Variants in DIP2A observed in about 807,000 individuals in gnomAD.
DIP2A encodes disco-interacting protein 2 homolog A.
Under a neutral mutation model 177.4 loss-of-function variants are expected in DIP2A, and 85 were observed. The observed-to-expected ratio is 0.48, with a 90% CI of 0.40 to 0.57. The LOEUF (loss-of-function observed/expected upper bound fraction) is 0.57. DIP2A is among the 20% of genes least tolerant of loss of function. The pLI, the probability that DIP2A is intolerant of heterozygous loss-of-function variation, is 0.00. For synonymous variants in DIP2A, 886 were observed against 881.8 expected (o/e 1.00, Z -0.08); for missense variants, 1,791 against 2,100.2 (o/e 0.85, Z 2.88).
chr21:46,504,721 A>C (rs1200014326), intron 6 of DIP2A, among the ~76,000 whole-genome samples: 1 of 152,246 alleles, frequency 6.6e-6, no homozygotes, highest in Non-Finnish European at 1.5e-5. Context: ...GAGAGTGGGG[A>C]GGGAAAAGAC....
chr21:46,535,723 C>G (rs568786134), intron 13 of DIP2A, among the ~76,000 whole-genome samples: 24 of 152,312 alleles, frequency 1.6e-4, no homozygotes, highest in African/African-American at 4.8e-4. Flanking sequence ...TCTTTCAGAT[C>G]AAGCCCCGTG....
At position 46,516,488 on chromosome 21, in the gene DIP2A, C is replaced by CTTT. The variant is rs1158910021; in HGVS notation, c.1102+4893_1102+4895dup. On this transcript the variant is annotated intron_variant, in intron 8 of 37. Coordinates refer to ENST00000417564, the MANE Select transcript of DIP2A (RefSeq NM_015151.4). ...TCTTTAATCTTGTCTTCTGAAATTTCTTTTTTTTTTTTTTTTTTTTTGAGA... is the reference window on the plus strand; with the variant it reads ...TCTTTAATCTTGTCTTCTGAAATTTCTTTTTTTTTTTTTTTTTTTTTTTTGAGA... Among the ~76,000 whole-genome samples, 92 of 76,384 alleles carry CTTT rather than the reference C, an allele frequency of 1.2e-3. 2 individuals carry two copies. Among genetic ancestry groups the CTTT allele is most frequent in the Non-Finnish European group, 1.7e-3 (62 of 36,614 alleles). 50.1% of individuals were successfully genotyped at this position (76,384 alleles called of 152,430 possible).
the DIP2A span, among the ~76,000 whole-genome samples, chr21:46,579,442 C>G: frequency 6.6e-6 from 1 of 151,934 alleles, no homozygotes; most frequent in Non-Finnish European, 1.5e-5. Flanking sequence ...TTTTTCACGT[C>G]TCTGTTTCCT....
At chr21:46,542,281 T>C (rs1478207787) in intron 18 of DIP2A, among the ~76,000 whole-genome samples, 1 of 152,232 alleles carries the variant, frequency 6.6e-6, no homozygotes, top group African/African-American at 2.4e-5. Context: ...CTTTGATATT[T>C]GGGAAGACGG....
In DIP2A at chr21:46,563,190, C is replaced by G. The variant is rs1201943852; in HGVS notation, c.4090-668C>G. Among the ~76,000 whole-genome samples, 1 of 152,150 alleles carries G rather than the reference C, an allele frequency of 6.6e-6. No homozygotes were observed. The highest frequency in any genetic ancestry group is 2.4e-5 in the African/African-American group (1 of 41,432). On this transcript the variant is annotated intron_variant, in intron 34 of 37. Transcript: ENST00000417564. The surrounding 1 kb of genome is among the most constrained non-coding windows in gnomAD (Gnocchi z 4.3). Reference sequence around the variant, plus strand: ...GGAGGGTCTGGCGGTAACCGTAGCTCACACCTCCCTGTGGCCCGTCGTCCC... The same window carrying G: ...GGAGGGTCTGGCGGTAACCGTAGCTGACACCTCCCTGTGGCCCGTCGTCCC...
Position 46,550,541 on chromosome 21 carries a change from A to G in DIP2A, c.2638-2A>G. 1 of 1,611,480 alleles carries G rather than the reference A, an allele frequency of 6.2e-7. No individual in the cohort carries two copies. The highest frequency in any genetic ancestry group is 8.5e-7 in the Non-Finnish European group (1 of 1,178,878). ...GTGCCAAACAGGGTCCTTCCCTTTC[A>G]GGCCATTGATAGCATCCACCAGGTG... On this transcript the variant is annotated splice_acceptor_variant, in intron 22 of 37. Coordinates refer to ENST00000417564, the MANE Select transcript of DIP2A (RefSeq NM_015151.4). LOFTEE classifies it high-confidence loss of function.
Position 46,554,562 on chromosome 21 carries a change from C to A in DIP2A, c.3155-13C>A. 1 of 1,610,668 alleles carries A rather than the reference C, an allele frequency of 6.2e-7. No individual in the cohort carries two copies. The highest frequency in any genetic ancestry group is 8.5e-7 in the Non-Finnish European group (1 of 1,178,626). ...GCGGCCGGCCTCCTCACAGCCAGTC[C>A]TTGTCTCCACAGGGGTGGACCTCAT... On this transcript the variant is annotated splice_polypyrimidine_tract_variant and intron_variant, in intron 26 of 37. Transcript: ENST00000417564.
intron 8 of DIP2A, among the ~76,000 whole-genome samples, chr21:46,518,182 G>C (rs2148669209): frequency 6.6e-6 from 1 of 152,340 alleles, no homozygotes; most frequent in Middle Eastern, 3.4e-3. Context: ...GCTGTATCCA[G>C]TTTTAGCTAC....
At chr21:46,530,251 C>T (rs1397784606) in intron 9 of DIP2A, among the ~76,000 whole-genome samples, 1 of 152,142 alleles carries the variant, frequency 6.6e-6, no homozygotes, top group Non-Finnish European at 1.5e-5. Context: ...TCAGATCACC[C>T]AACAAGGAAA....
chr21:46,559,129 G>C (rs1957198841), intron 32 of DIP2A: 1 of 146,988 alleles, frequency 6.8e-6, no homozygotes, highest in African/African-American at 2.5e-5. Flanking sequence ...AAAAAACATA[G>C]GTAGCACCAA....
chr21:46,496,234 C>G (rs766924201), intron 3 of DIP2A, among the ~76,000 whole-genome samples: 1 of 152,058 alleles, frequency 6.6e-6, no homozygotes, highest in African/African-American at 2.4e-5. Flanking sequence ...TCTCCTCTCC[C>G]TCATGAGTGT....
At chr21:46,562,332 A>G (rs1764429054) in intron 34 of DIP2A, among the ~76,000 whole-genome samples, 1 of 152,212 alleles carries the variant, frequency 6.6e-6, no homozygotes, top group Admixed American at 6.5e-5. Context: ...CATCCTCTGA[A>G]CCAGGAAGGG....
chr21:46,570,352 A>G (rs1601882796), downstream of DIP2A, among the ~76,000 whole-genome samples: 2 of 152,294 alleles, frequency 1.3e-5, no homozygotes, highest in South Asian at 2.1e-4. Flanking sequence ...TAACAATTTG[A>G]TAGGCAAATA....
chr21:46,545,780 A>G, intron 19 of DIP2A, 101 bp from the exon 20 acceptor site: 2 of 1,359,892 alleles, frequency 1.5e-6, no homozygotes, highest in Non-Finnish European at 2.0e-6. Flanking sequence ...CCTGGCCAGC[A>G]GGCGCACACG....
In DIP2A at chr21:46,568,801, A is replaced by G. The variant is rs2060902532; in HGVS notation, c.*1179A>G. 6.6e-6 allele frequency: 1 copy of G among 152,202 alleles called. No homozygotes were observed. Among genetic ancestry groups the G allele is most frequent in the African/African-American group, 2.4e-5 (1 of 41,428 alleles). The allele number at this position is 152,202 out of a possible 1,614,324, so 9.4% of individuals were successfully genotyped here. A position where few individuals can be genotyped will look rare whatever the true frequency, so the allele number is the denominator to read the frequency against. ...TTGTGGTAAAGTCTAAGGTTTTCAT[A>G]TCCATAGTGCTGTTTGGTGAGTACC... is the stretch of plus-strand genomic sequence containing the variant. On this transcript the variant is annotated 3_prime_UTR_variant, in exon 38 of 38. Transcript: ENST00000417564.
chr21:46,496,919 T>A, intron 3 of DIP2A, 69 bp from the exon 4 acceptor site: 1 of 1,460,080 alleles, frequency 6.8e-7, no homozygotes, highest in Middle Eastern at 1.8e-4. Context: ...AACAAAAACA[T>A]GAAACTTAAT....
intron 9 of DIP2A, 35 bp downstream of exon 9, chr21:46,529,218 C>A: frequency 7.9e-7 from 1 of 1,259,758 alleles, no homozygotes; most frequent in Non-Finnish European, 1.1e-6. Flanking sequence ...TTGGAAGGAG[C>A]AAAAGCAGGG....
At chr21:46,483,748 C>T (rs2056509221) in intron 1 of DIP2A, among the ~76,000 whole-genome samples, 1 of 152,228 alleles carries the variant, frequency 6.6e-6, no homozygotes, top group South Asian at 2.1e-4. Flanking sequence ...CCTGTGTCTT[C>T]TGATTCACAG....
At chr21:46,520,113 A>T (rs1000194714) in intron 8 of DIP2A, among the ~76,000 whole-genome samples, 37 of 152,030 alleles carry the variant, frequency 2.4e-4, no homozygotes, top group African/African-American at 8.4e-4. Flanking sequence ...TGACCTTGTG[A>T]TACACCCATC....
Sources: gnomAD v4.1 joint callset for allele counts (sites outside exome capture counted in the v4.1 genomes callset) on GRCh38, gnomAD v4.1.1 for gene constraint, Gnocchi (gnomAD v3.1) non-coding constraint, MANE v1.5 for transcripts, NCBI Gene and HGNC (gene_info 2026-07-23, HGNC 2026-07-21) for gene names.